The following FHOD3 variants were observed in gnomAD, a reference collection of about 807,000 sequenced individuals.
FHOD3 encodes FH1/FH2 domain-containing protein 3.
Under a neutral mutation model 173.0 loss-of-function variants are expected in FHOD3, and 90 were observed. The observed-to-expected ratio is 0.52, with a 90% CI of 0.44 to 0.62. The LOEUF (loss-of-function observed/expected upper bound fraction) is 0.62. FHOD3 is among the 20% of genes least tolerant of loss of function. FHOD3 has a pLI of 0.00. For missense variants in FHOD3, 1,945 were observed against 2,034.7 expected, an observed-to-expected ratio of 0.96 and a Z score of 0.85; for synonymous variants, 828 against 823.0, an observed-to-expected ratio of 1.01 and a Z score of -0.10.
intron 5 of FHOD3, among the ~76,000 whole-genome samples, chr18:36,550,943 G>T (rs2057626714): frequency 3.3e-5 from 5 of 151,986 alleles, no homozygotes; most frequent in South Asian, 2.1e-4. Context: ...CTATAATGTG[G>T]AATAGTGTTG....
intron 6 of FHOD3, among the ~76,000 whole-genome samples, chr18:36,584,891 A>C (rs551370847): frequency 6.6e-6 from 1 of 152,222 alleles, no homozygotes; most frequent in Non-Finnish European, 1.5e-5. Context: ...CTCTTTGTAT[A>C]AAACTTTAGA....
intron 1 of FHOD3, among the ~76,000 whole-genome samples, chr18:36,302,624 GCA>G (rs1384102162): frequency 4.6e-5 from 7 of 152,208 alleles, no homozygotes; most frequent in Non-Finnish European, 1.0e-4. Flanking sequence ...GATAGAATGT[GCA>G]CTAAGTTGAT....
At chr18:36,343,957 G>A (rs1460745055) in intron 1 of FHOD3, among the ~76,000 whole-genome samples, 1 of 152,080 alleles carries the variant, frequency 6.6e-6, no homozygotes, top group Non-Finnish European at 1.5e-5. Context: ...GACTGCTAAT[G>A]GGTTTGTGGT....
At chr18:36,462,297 G>A (rs1261650297) in intron 3 of FHOD3, among the ~76,000 whole-genome samples, 1 of 151,984 alleles carries the variant, frequency 6.6e-6, no homozygotes, top group Non-Finnish European at 1.5e-5. Context: ...TCGTGTGTGT[G>A]TGTGTGTGTG....
intron 3 of FHOD3, among the ~76,000 whole-genome samples, chr18:36,434,935 A>C (rs1045880852): frequency 6.6e-6 from 1 of 152,094 alleles, no homozygotes; most frequent in Non-Finnish European, 1.5e-5. Flanking sequence ...TTTACTAAAT[A>C]GATTTCCTAG....
At chr18:36,522,626 G>A (rs899037928) in intron 5 of FHOD3, among the ~76,000 whole-genome samples, 3 of 152,178 alleles carry the variant, frequency 2.0e-5, no homozygotes, top group Admixed American at 6.5e-5. Context: ...GATGGGAGTA[G>A]TATCATCACA....
intron 3 of FHOD3, among the ~76,000 whole-genome samples, chr18:36,488,195 T>TA (rs1189200695): frequency 6.6e-6 from 1 of 152,234 alleles, no homozygotes; most frequent in Non-Finnish European, 1.5e-5. Context: ...GGTGAACTGC[T>TA]GAGTTTTATC....
At position 36,653,514 on chromosome 18, in the gene FHOD3, A is replaced by G; in HGVS notation, c.1721+98A>G. 8.1e-6 allele frequency: 7 copies of G among 859,010 alleles called. No individual in the cohort carries two copies. The South Asian group carries it at 9.8e-5, about 12-fold the overall frequency. The allele number at this position is 859,010 out of a possible 1,614,324, so 53.2% of individuals were successfully genotyped here. ...CAAAGAATGCTAATATCTTCCTACA[A>G]CGTGACACACAATTACAGTTTGAAC... On this transcript the variant is annotated intron_variant, in intron 13 of 28. Transcript: ENST00000590592.
At chr18:36,363,527 A>T (rs1402670862) in intron 2 of FHOD3, among the ~76,000 whole-genome samples, 1 of 152,234 alleles carries the variant, frequency 6.6e-6, no homozygotes, top group Non-Finnish European at 1.5e-5. Flanking sequence ...CACATTGTGA[A>T]GTTAAACCAG....
At chr18:36,622,468 G>C (rs2148758049) in intron 9 of FHOD3, among the ~76,000 whole-genome samples, 1 of 152,308 alleles carries the variant, frequency 6.6e-6, no homozygotes, top group Non-Finnish European at 1.5e-5. Flanking sequence ...GTTACATGGG[G>C]ATGTGTAAGC....
At chr18:36,380,022 CA>C (rs1277557640) in intron 3 of FHOD3, among the ~76,000 whole-genome samples, 2 of 152,122 alleles carry the variant, frequency 1.3e-5, no homozygotes, top group African/African-American at 4.8e-5. Context: ...CACATCTCAA[CA>C]TTTCTGTTGT....
chr18:36,361,341 G>A (rs1598837762), intron 2 of FHOD3, among the ~76,000 whole-genome samples: 1 of 152,100 alleles, frequency 6.6e-6, no homozygotes, highest in African/African-American at 2.4e-5. Context: ...TGATCTCTAG[G>A]TTCTGGCTTC....
At chr18:36,337,977 G>C (rs138877675) in intron 1 of FHOD3, among the ~76,000 whole-genome samples, 1 of 152,338 alleles carries the variant, frequency 6.6e-6, no homozygotes, top group Non-Finnish European at 1.5e-5. Context: ...TCAACAAGTA[G>C]AGGTGTTTGG....
chr18:36,517,368 C>T (rs12963838), intron 5 of FHOD3, among the ~76,000 whole-genome samples: 9,971 of 152,192 alleles, frequency 0.066, 707 homozygotes, highest in African/African-American at 0.17. Flanking sequence ...GGGGTTGTGA[C>T]GATGGAACCA....
chr18:36,686,508 G>T lies in FHOD3; in HGVS notation c.1971-620G>T, dbSNP rs540252158. 2.0e-5 allele frequency among the ~76,000 whole-genome samples: 3 copies of T among 151,436 alleles called. No individual in the cohort carries two copies. The South Asian group carries it at 6.3e-4, about 32-fold the overall frequency. Reference sequence around the variant, plus strand: ...TGTCAGTGGGGGGATTGGGGAGGGAGAGCATCAGGATAAATAGCTAAGGCA... The same window carrying T: ...TGTCAGTGGGGGGATTGGGGAGGGATAGCATCAGGATAAATAGCTAAGGCA... On this transcript the variant is annotated intron_variant, in intron 15 of 28. Transcript: ENST00000590592.
In FHOD3 at chr18:36,430,058, A is replaced by G. The variant is rs539520650; in HGVS notation, c.337+57314A>G. ...CTGGGTGTGAAGCTGAAGATTCAGA[A>G]TGATACGTTTTCATCTCTTCTTGCA... On this transcript the variant is annotated intron_variant, in intron 3 of 28. Coordinates refer to ENST00000590592, the MANE Select transcript of FHOD3 (RefSeq NM_001281740.3). Among the ~76,000 whole-genome samples, 17 of 152,304 alleles carry G rather than the reference A, an allele frequency of 1.1e-4. 1 individual carries two copies. In the South Asian group the frequency reaches 3.5e-3, roughly 32 times the overall value.
At chr18:36,472,385 G>T (rs2053332638) in intron 3 of FHOD3, among the ~76,000 whole-genome samples, 2 of 152,146 alleles carry the variant, frequency 1.3e-5, no homozygotes, top group Admixed American at 6.5e-5. Flanking sequence ...GAAGGAGCTA[G>T]AATTTTTAAA....
At chr18:36,358,669 G>A (rs2046472078) in intron 2 of FHOD3, among the ~76,000 whole-genome samples, 1 of 152,098 alleles carries the variant, frequency 6.6e-6, no homozygotes, top group Non-Finnish European at 1.5e-5. Context: ...ATTTTTTTTA[G>A]AAAAATTTAA....
chr18:36,480,014 A>C (rs1206427555), intron 3 of FHOD3, among the ~76,000 whole-genome samples: 1 of 152,258 alleles, frequency 6.6e-6, no homozygotes, highest in Non-Finnish European at 1.5e-5. Flanking sequence ...AATTACAGCC[A>C]GCCAAATTGT....
Sources: gnomAD v4.1 joint callset for allele counts (sites outside exome capture counted in the v4.1 genomes callset) on GRCh38, gnomAD v4.1.1 for gene constraint, MANE v1.5 for transcripts, NCBI Gene and HGNC (gene_info 2026-07-23, HGNC 2026-07-21) for gene names.